TCAF1: variants seen among roughly 807,000 people sequenced by gnomAD.
TCAF1 encodes the protein TRPM8 channel associated factor 1, also known as TRPM8 channel-associated factor 1.
A neutral mutation model predicts 27.3 loss-of-function variants in TCAF1; 4 were observed. The observed-to-expected ratio is 0.15, with a 90% CI of 0.07 to 0.34. The LOEUF (loss-of-function observed/expected upper bound fraction) is 0.34. Among genes scored for constraint, TCAF1 ranks in the 10% least tolerant of loss-of-function variants. TCAF1 has a pLI of 1.00. For missense variants in TCAF1, 257 were observed against 425.8 expected (o/e 0.60, Z 3.49); for synonymous variants, 105 against 167.1 (o/e 0.63, Z 2.87).
intron 1 of TCAF1, among the ~76,000 whole-genome samples, chr7:143,894,013 A>T (rs915879397): frequency 2.6e-5 from 4 of 151,818 alleles, no homozygotes; most frequent in African/African-American, 9.7e-5. Flanking sequence ...ACAGAGAGAG[A>T]ATCCATTATA....
chr7:143,875,976 G>C lies in TCAF1; in HGVS notation c.620+13C>G. 2 of 1,530,246 alleles carry C rather than the reference G, an allele frequency of 1.3e-6. No individual in the cohort carries two copies. The highest frequency in any genetic ancestry group is 8.8e-7 in the Non-Finnish European group (1 of 1,139,092). The allele number at this position is 1,530,246 out of a possible 1,614,324, so 94.8% of individuals were successfully genotyped here. A position where few individuals can be genotyped will look rare whatever the true frequency, so the allele number is the denominator to read the frequency against. On this transcript the variant is annotated intron_variant, in intron 2 of 8. Coordinates refer to ENST00000479870, the MANE Select transcript of TCAF1 (RefSeq NM_014719.3). ...ACCCTGGAGCCAACTCCCCAGTGGG[G>C]TAACATACTCACCTAACCAACACTG... is the stretch of plus-strand genomic sequence containing the variant.
At chr7:143,891,620 CA>C (rs1381933041) in intron 1 of TCAF1, among the ~76,000 whole-genome samples, 1 of 151,860 alleles carries the variant, frequency 6.6e-6, no homozygotes, top group African/African-American at 2.4e-5. Context: ...TCAAAAGATA[CA>C]GAAAGAGTGT....
intron 2 of TCAF1, among the ~76,000 whole-genome samples, chr7:143,867,184 A>AAC (rs1355622371): frequency 9.9e-6 from 1 of 100,668 alleles, no homozygotes; most frequent in Non-Finnish European, 2.1e-5. Context: ...TAAAAAAAAA[A>AAC]AACTTGCAGG....
intron 1 of TCAF1, among the ~76,000 whole-genome samples, chr7:143,888,125 T>C (rs1813498617): frequency 1.3e-5 from 2 of 152,194 alleles, no homozygotes; most frequent in Admixed American, 6.5e-5. Context: ...TTAAAAATAA[T>C]GTTTTAGTTC....
intron 1 of TCAF1, among the ~76,000 whole-genome samples, chr7:143,883,637 C>G (rs1813224513): frequency 6.6e-6 from 1 of 151,034 alleles, no homozygotes; most frequent in Non-Finnish European, 1.5e-5. Flanking sequence ...TCCCAAATAG[C>G]TGGGATTACA....
intron 1 of TCAF1, among the ~76,000 whole-genome samples, chr7:143,898,412 T>C (rs1289036955): frequency 1.3e-5 from 2 of 152,160 alleles, no homozygotes; most frequent in Non-Finnish European, 2.9e-5. Context: ...TTATCATTAT[T>C]TTCGGATGAT....
intron 1 of TCAF1, among the ~76,000 whole-genome samples, chr7:143,879,360 A>G (rs761091925): frequency 6.6e-6 from 1 of 152,214 alleles, no homozygotes; most frequent in East Asian, 1.9e-4. Context: ...GGAGGAGGAG[A>G]AGAAGGGGAA....
chr7:143,877,356 A>G lies in TCAF1; in HGVS notation c.-14-734T>C, dbSNP rs138929259. Among the ~76,000 whole-genome samples the G allele has an allele frequency of 9.0e-4, 137 of 152,272 alleles. 1 individual carries two copies. Among genetic ancestry groups the G allele is most frequent in the African/African-American group, 3.2e-3 (132 of 41,546 alleles). ...CCATTCCATCCCTCTTGGCTCCCAC[A>G]CTAATCAGATTAATCCCAGCTTGGA... On this transcript the variant is annotated intron_variant, in intron 1 of 8. Coordinates refer to ENST00000479870, the MANE Select transcript of TCAF1 (RefSeq NM_014719.3).
intron 1 of TCAF1, among the ~76,000 whole-genome samples, chr7:143,892,348 T>C (rs896941417): frequency 4.6e-5 from 7 of 151,894 alleles, no homozygotes; most frequent in African/African-American, 1.7e-4. Flanking sequence ...TCATAATAAA[T>C]CAATAAGGTG....
Position 143,852,960 on chromosome 7 carries a change from CTATT to C in TCAF1, c.*1169_*1172del, listed in dbSNP as rs1340500491. On this transcript the variant is annotated 3_prime_UTR_variant, in exon 9 of 9. Transcript: ENST00000479870. Reference sequence around the variant, plus strand: ...TTTTTCTTTCTTTATATTTTTCTATCTATTTCTTTTTGCTCTTTATCTGGAGAGA... The same window carrying C: ...TTTTTCTTTCTTTATATTTTTCTATCTCTTTTTGCTCTTTATCTGGAGAGA... 7.0e-6 allele frequency: 1 copy of C among 143,376 alleles called. No individual in the cohort carries two copies. Among genetic ancestry groups the C allele is most frequent in the Non-Finnish European group, 1.5e-5 (1 of 66,050 alleles). The allele number at this position is 143,376 out of a possible 1,614,324, so 8.9% of individuals were successfully genotyped here.
intron 1 of TCAF1, among the ~76,000 whole-genome samples, chr7:143,896,792 A>T (rs1014389603): frequency 1.3e-5 from 2 of 151,990 alleles, no homozygotes; most frequent in Non-Finnish European, 2.9e-5. Flanking sequence ...ATGTAGCTAA[A>T]AAGTAGTGAT....
chr7:143,882,658 C>T (rs1382093972), intron 1 of TCAF1: 2 of 985,026 alleles, frequency 2.0e-6, no homozygotes, highest in Non-Finnish European at 2.4e-6. Context: ...CCTGCCCTCC[C>T]CCCCGCAGCA....
intron 2 of TCAF1, among the ~76,000 whole-genome samples, chr7:143,865,174 A>T: frequency 3.6e-5 from 3 of 82,230 alleles, no homozygotes; most frequent in African/African-American, 8.0e-5. Flanking sequence ...TGATTTTTTA[A>T]TTTAATGGAG....
chr7:143,884,298 G>A (rs1193655747), intron 1 of TCAF1, among the ~76,000 whole-genome samples: 2 of 152,032 alleles, frequency 1.3e-5, no homozygotes, highest in African/African-American at 4.8e-5. Flanking sequence ...TCTCCAAATT[G>A]GATCATTAGG....
At chr7:143,889,826 C>T (rs138714995) in intron 1 of TCAF1, among the ~76,000 whole-genome samples, 438 of 152,290 alleles carry the variant, frequency 2.9e-3, no homozygotes, top group Admixed American at 8.9e-3. Flanking sequence ...GAAAGCTTCA[C>T]CAGACAGTCC....
At chr7:143,894,581 T>G (rs1227103091) in intron 1 of TCAF1, among the ~76,000 whole-genome samples, 1 of 151,720 alleles carries the variant, frequency 6.6e-6, no homozygotes, top group African/African-American at 2.4e-5. Context: ...CTGAGATAAA[T>G]TATAAAACTA....
In TCAF1 at chr7:143,876,070, C is replaced by T. The variant is rs1346072740; in HGVS notation, c.539G>A (p.Gly180Asp). 2.5e-6 allele frequency: 4 copies of T among 1,610,752 alleles called. No homozygotes were observed. The African/African-American group carries it at 4.0e-5, about 16-fold the overall frequency. ...CCCTTTGTTGTCAGTAAAGTAAATG[C>T]CAGCCACACTGGTCACGAGGTTCCC... Reference protein sequence around the residue: ...FPGNLVTSVAGIYFTDNKGDT... With the variant: ...FPGNLVTSVADIYFTDNKGDT... Residue 180 changes from glycine (G) to aspartate (D), a missense_variant, in exon 2 of 9, where the codon GGC becomes GAC. Gly to Asp is a moderately conservative substitution (Grantham distance 94). Transcript: ENST00000479870.
At chr7:143,885,514 C>A in intron 1 of TCAF1, 1 of 985,360 alleles carries the variant, frequency 1.0e-6, no homozygotes, top group Non-Finnish European at 1.2e-6. Flanking sequence ...GACCCAGACG[C>A]CCGCCCTCAG....
Position 143,876,170 on chromosome 7 carries a change from C to T in TCAF1, c.439G>A (p.Gly147Ser), listed in dbSNP as rs200784338. The T allele has an allele frequency of 7.4e-5, 120 of 1,614,200 alleles. No individual in the cohort carries two copies. The East Asian group carries it at 2.5e-3, about 34-fold the overall frequency. ...CAGGCTTGTCCTCCTATGAGCAAGCCGCCACCACATTTCATGAACTTGACC... is the reference window on the plus strand; with the variant it reads ...CAGGCTTGTCCTCCTATGAGCAAGCTGCCACCACATTTCATGAACTTGACC... The part of the protein sequence containing the change: ...KLVKFMKCGG[G>S]LLIGGQAWDW... The change falls in exon 2 of 9, where the codon GGC (glycine) becomes AGC (serine). Residue 147 changes from glycine to serine, a missense_variant. This residue lies in a region of TCAF1 where 255 missense variants were observed against 260.1 expected (regional missense o/e 0.98). Transcript: ENST00000479870.
Sources: gnomAD v4.1 joint callset for allele counts (sites outside exome capture counted in the v4.1 genomes callset) on GRCh38, gnomAD v4.1.1 for gene constraint, gnomAD v4.1.1 regional missense constraint, MANE v1.5 for transcripts, NCBI Gene and HGNC (gene_info 2026-07-23, HGNC 2026-07-21) for gene names.